The following LRRC69 variants were observed in gnomAD, a reference collection of about 807,000 sequenced individuals.
LRRC69 encodes leucine rich repeat containing 69.
A neutral mutation model predicts 37.8 loss-of-function variants in LRRC69; 42 were observed. The observed-to-expected ratio is 1.11, with a 90% CI of 0.87 to 1.44. The LOEUF (loss-of-function observed/expected upper bound fraction) is 1.44. LRRC69 is among the 40% of genes most tolerant of loss of function. The pLI is 0.00. For missense variants in LRRC69, 357 were observed against 401.9 expected (o/e 0.89, Z 0.96); for synonymous variants, 141 against 143.1 (o/e 0.99, Z 0.11).
intron 5 of LRRC69, among the ~76,000 whole-genome samples, chr8:91,169,026 T>C (rs1202535091): frequency 6.6e-6 from 1 of 151,946 alleles, no homozygotes; most frequent in Non-Finnish European, 1.5e-5. Context: ...TGACACTTCA[T>C]CAACAATTCA....
chr8:91,202,183 G>T (rs975609131), intron 7 of LRRC69, among the ~76,000 whole-genome samples: 1 of 152,038 alleles, frequency 6.6e-6, no homozygotes. Context: ...TCCAGCCTAG[G>T]CAACAGAGCG....
At chr8:91,169,096 T>TA (rs1428929460) in intron 5 of LRRC69, among the ~76,000 whole-genome samples, 2 of 151,916 alleles carry the variant, frequency 1.3e-5, no homozygotes, top group African/African-American at 2.4e-5. Context: ...CAGGACTTTA[T>TA]AAAATATTGT....
exon 7 of LRRC69, chr8:91,200,702 C>G: frequency 1.3e-6 from 2 of 1,533,354 alleles, no homozygotes; most frequent in Non-Finnish European, 1.8e-6. Context: ...AAGTCAGGAG[C>G]ATGATCTCTC....
chr8:91,169,299 A>G (rs1488710396), intron 5 of LRRC69, among the ~76,000 whole-genome samples: 2 of 151,916 alleles, frequency 1.3e-5, no homozygotes, highest in Non-Finnish European at 2.9e-5. Context: ...CTCTCTATCA[A>G]GTACTATGAT....
intron 2 of LRRC69, among the ~76,000 whole-genome samples, chr8:91,125,915 C>T (rs1320036163): frequency 1.3e-5 from 2 of 151,728 alleles, no homozygotes; most frequent in Non-Finnish European, 2.9e-5. Flanking sequence ...TGTACATACT[C>T]ATGGAGTACA....
chr8:91,197,126 TG>T (rs945304857), intron 6 of LRRC69, among the ~76,000 whole-genome samples: 2 of 152,032 alleles, frequency 1.3e-5, no homozygotes, highest in African/African-American at 4.8e-5. Flanking sequence ...GTGCCCCTGC[TG>T]GGGGGTGCCT....
chr8:91,203,074 T>C (rs970448803), intron 7 of LRRC69, among the ~76,000 whole-genome samples: 6 of 152,036 alleles, frequency 3.9e-5, no homozygotes, highest in African/African-American at 1.4e-4. Flanking sequence ...TGGGGAGAGA[T>C]AGAAGTTCTG....
rs796938761 is a variant in LRRC69 at position 91,173,933 on chromosome 8, G to GA, written c.652-15580dup. 5.0e-3 allele frequency among the ~76,000 whole-genome samples: 661 copies of GA among 132,530 alleles called. 8 individuals are homozygous for GA. Among genetic ancestry groups the GA allele is most frequent in the African/African-American group, 0.017 (618 of 35,756 alleles). 86.9% of individuals were successfully genotyped at this position (132,530 alleles called of 152,430 possible). A position where few individuals can be genotyped will look rare whatever the true frequency, so the allele number is the denominator to read the frequency against. ...CAAACATTCAGACCATAGCAATAAT[G>GA]AAAAAAAAAGAAGAAAAAACAAAAG... On this transcript the variant is annotated intron_variant, in intron 5 of 7. Transcript: ENST00000448384.
intron 4 of LRRC69, 75 bp from the exon 5 acceptor site, chr8:91,135,593 A>T: frequency 2.0e-6 from 2 of 994,218 alleles, no homozygotes; most frequent in Non-Finnish European, 2.9e-6. Context: ...TTGGAGCTTT[A>T]AAAAAATTTA....
chr8:91,209,625 T>G (rs1471400580), intron 7 of LRRC69: 1 of 152,208 alleles, frequency 6.6e-6, no homozygotes, highest in African/African-American at 2.4e-5. Context: ...TGCATGGTTG[T>G]AGGCTGTGGA....
rs947724193 is a variant in LRRC69 at position 91,127,173 on chromosome 8, A to G, written c.383+13A>G. Reference sequence around the variant, plus strand: ...AAGAAGTCAGCAGGTAATTTTGTTTATAGCAAGACTTGGTTAACAATCGTG... The same window carrying G: ...AAGAAGTCAGCAGGTAATTTTGTTTGTAGCAAGACTTGGTTAACAATCGTG... On this transcript the variant is annotated intron_variant, in intron 3 of 7. Transcript: ENST00000448384. The G allele has an allele frequency of 1.3e-6, 2 of 1,543,978 alleles. No homozygotes were observed. The highest frequency in any genetic ancestry group is 2.7e-5 in the African/African-American group (2 of 72,730).
intron 5 of LRRC69, chr8:91,158,538 A>G: frequency 8.8e-7 from 1 of 1,139,864 alleles, no homozygotes; most frequent in Non-Finnish European, 1.3e-6. Context: ...AGACTTACAC[A>G]CTGTACATTT....
At chr8:91,152,557 A>C (rs1808760154) in intron 5 of LRRC69, among the ~76,000 whole-genome samples, 1 of 151,694 alleles carries the variant, frequency 6.6e-6, no homozygotes. Context: ...GAAGTCAGGT[A>C]GCATGATGCC....
At chr8:91,129,193 A>G (rs1040786986) in intron 3 of LRRC69, among the ~76,000 whole-genome samples, 1 of 151,990 alleles carries the variant, frequency 6.6e-6, no homozygotes, top group African/African-American at 2.4e-5. Context: ...CAGCATGGGC[A>G]TCCTGGTGAC....
intron 1 of LRRC69, among the ~76,000 whole-genome samples, chr8:91,121,554 C>T (rs748282951): frequency 2.0e-5 from 3 of 152,040 alleles, no homozygotes; most frequent in South Asian, 2.1e-4. Flanking sequence ...TATTGTCACT[C>T]AGATCTCAGT....
intron 5 of LRRC69, among the ~76,000 whole-genome samples, chr8:91,170,340 C>T (rs1809105713): frequency 6.6e-6 from 1 of 150,704 alleles, no homozygotes; most frequent in Non-Finnish European, 1.5e-5. Context: ...AGGTAATTTA[C>T]AGATTCAATG....
intron 1 of LRRC69, among the ~76,000 whole-genome samples, chr8:91,121,514 G>A (rs1813621014): frequency 6.6e-6 from 1 of 151,844 alleles, no homozygotes. Context: ...GCCTCCATTG[G>A]GGTCTTTATT....
chr8:91,162,683 G>T (rs1435074401), intron 5 of LRRC69, among the ~76,000 whole-genome samples: 1 of 151,106 alleles, frequency 6.6e-6, no homozygotes, highest in African/African-American at 2.4e-5. Flanking sequence ...GAATATAGTT[G>T]GGTCTTATGT....
At chr8:91,189,683 G>A (rs999687935) in intron 6 of LRRC69, 60 bp downstream of exon 6, 3 of 1,208,268 alleles carry the variant, frequency 2.5e-6, no homozygotes, top group East Asian at 2.6e-5. Flanking sequence ...AAATTTTAAA[G>A]CGTTTTCTTT....
Sources: gnomAD v4.1 joint callset for allele counts (sites outside exome capture counted in the v4.1 genomes callset) on GRCh38, gnomAD v4.1.1 for gene constraint, MANE v1.5 for transcripts, NCBI Gene and HGNC (gene_info 2026-07-23, HGNC 2026-07-21) for gene names.